Variants in MYLK4 observed in about 807,000 individuals in gnomAD.
The protein encoded by MYLK4 is myosin light chain kinase family member 4.
In MYLK4, 46 loss-of-function variants were observed where a neutral mutation model predicts 48.1. The ratio of observed to expected loss-of-function variants is 0.96; its 90% confidence interval spans 0.75 to 1.22. MYLK4 has a LOEUF of 1.22. Ranked by LOEUF, MYLK4 falls within the 50% of genes most tolerant of loss-of-function variation. The probability of loss-of-function intolerance (pLI) is 0.00; values close to 1 mark genes in which losing one functional copy is unlikely to be tolerated. For synonymous variants in MYLK4, 170 were observed against 180.8 expected (o/e 0.94, Z 0.48); for missense variants, 451 against 486.1 (o/e 0.93, Z 0.68).
At chr6:2,694,933 C>A (rs1359411473) in intron 2 of MYLK4, among the ~76,000 whole-genome samples, 11 of 152,130 alleles carry the variant, frequency 7.2e-5, no homozygotes, top group Non-Finnish European at 1.5e-4. Context: ...AGACTATAGC[C>A]AAGTTACATG....
In MYLK4 at chr6:2,679,291, G is replaced by A. The variant is rs368820350; in HGVS notation, c.876C>T (p.Ile292=). 5 of 1,613,996 alleles carry A rather than the reference G, an allele frequency of 3.1e-6. No homozygotes were observed. The highest frequency in any genetic ancestry group is 2.7e-5 in the African/African-American group (2 of 74,886). The change falls in exon 9 of 13, where the codon ATC becomes ATT. Residue 292 remains isoleucine (I), a synonymous_variant. Transcript: ENST00000274643. Reference sequence around the variant, plus strand: ...GGAGAGCTACTCACAGCATATAGGCGATGACCCCCACACTCCACATGTCAG... The same window carrying A: ...GGAGAGCTACTCACAGCATATAGGCAATGACCCCCACACTCCACATGTCAG... ...FPTDMWSVGV[I]AYMLLSGLSP... is the part of the protein sequence containing the mutation.
At chr6:2,763,616 C>G in the MYLK4 span, among the ~76,000 whole-genome samples, 3 of 152,368 alleles carry the variant, frequency 2.0e-5, no homozygotes, top group South Asian at 6.2e-4. Context: ...CCGCAAGCAC[C>G]GCGCGCAGCC....
chr6:2,756,610 T>C, the MYLK4 span, among the ~76,000 whole-genome samples: 4 of 152,208 alleles, frequency 2.6e-5, no homozygotes, highest in Non-Finnish European at 5.9e-5. Context: ...TACTGATATA[T>C]TTCTATTTCC....
chr6:2,768,632 G>A, the MYLK4 span: 1 of 1,445,540 alleles, frequency 6.9e-7, no homozygotes. Flanking sequence ...GTTCCCATGG[G>A]TGCTGGTCTC....
chr6:2,693,289 T>A (rs560456838), intron 2 of MYLK4, among the ~76,000 whole-genome samples: 2 of 152,354 alleles, frequency 1.3e-5, no homozygotes, highest in East Asian at 3.8e-4. Context: ...CATGAATAGA[T>A]GAAAGGATGT....
intron 4 of MYLK4, among the ~76,000 whole-genome samples, chr6:2,686,277 T>C (rs540016987): frequency 5.8e-4 from 88 of 152,336 alleles, no homozygotes; most frequent in African/African-American, 2.1e-3. Context: ...ATGAATGTTA[T>C]GAGCTGGGCT....
chr6:2,690,821 A>ATC (rs1761754359), intron 3 of MYLK4, among the ~76,000 whole-genome samples: 1 of 127,812 alleles, frequency 7.8e-6, no homozygotes, highest in Admixed American at 7.4e-5. Context: ...ATCTCTCTGA[A>ATC]TCTTTTTTTT....
chr6:2,685,236 C>T lies in MYLK4; in HGVS notation c.545+60G>A. 7.8e-7 allele frequency: 1 copy of T among 1,277,370 alleles called. No homozygotes were observed. The highest frequency in any genetic ancestry group is 1.1e-6 in the Non-Finnish European group (1 of 878,344). 79.1% of individuals were successfully genotyped at this position (1,277,370 alleles called of 1,614,324 possible). A position where few individuals can be genotyped will look rare whatever the true frequency, so the allele number is the denominator to read the frequency against. On this transcript the variant is annotated intron_variant, in intron 6 of 12. Coordinates refer to ENST00000274643, the MANE Select transcript of MYLK4 (RefSeq NM_001012418.5). The surrounding 1 kb of genome is among the most constrained non-coding windows in gnomAD (Gnocchi z 4.5). ...CTACAGCAGGACGGAGCTACTGAGG[C>T]ACGGTCACGGTCATGAGTGCCCTTG...
chr6:2,711,793 C>CT (rs374154259), intron 2 of MYLK4, among the ~76,000 whole-genome samples: 14 of 148,996 alleles, frequency 9.4e-5, no homozygotes, highest in African/African-American at 2.9e-4. Flanking sequence ...AGTTGGGTAT[C>CT]TTTTTTTTTT....
At chr6:2,769,034 A>G in the MYLK4 span, 1 of 710,828 alleles carries the variant, frequency 1.4e-6, no homozygotes, top group South Asian at 2.8e-5. Context: ...ATTTCTCCAT[A>G]CATTTCTTAG....
At chr6:2,686,502 G>A (rs530891807) in intron 4 of MYLK4, among the ~76,000 whole-genome samples, 1 of 152,322 alleles carries the variant, frequency 6.6e-6, no homozygotes, top group East Asian at 1.9e-4. Context: ...AATTTGCTTA[G>A]TTTGATTTCT....
chr6:2,764,085 T>G, the MYLK4 span, among the ~76,000 whole-genome samples: 1 of 152,146 alleles, frequency 6.6e-6, no homozygotes, highest in African/African-American at 2.4e-5. Flanking sequence ...TGAGCTGAGA[T>G]TGCGCCATTG....
intron 1 of MYLK4, among the ~76,000 whole-genome samples, chr6:2,750,126 G>A (rs1764240132): frequency 6.6e-6 from 1 of 152,208 alleles, no homozygotes; most frequent in Admixed American, 6.5e-5. Flanking sequence ...CAGGGAGAGG[G>A]AGAGACATTT....
rs35133716 is a variant in MYLK4 at position 2,690,823 on chromosome 6, C to CTTT, written c.236-1870_236-1868dup. Among the ~76,000 whole-genome samples the CTTT allele has an allele frequency of 6.6e-3, 586 of 88,840 alleles. 43 individuals are homozygous for CTTT. Among genetic ancestry groups the CTTT allele is most frequent in the African/African-American group, 0.016 (339 of 21,366 alleles). 58.3% of individuals were successfully genotyped at this position (88,840 alleles called of 152,430 possible). A position where few individuals can be genotyped will look rare whatever the true frequency, so the allele number is the denominator to read the frequency against. ...AAAAGAAGCAATAATCTCTCTGAAT[C>CTTT]TTTTTTTTTTTTTTTTTTTTTTTTG... On this transcript the variant is annotated intron_variant, in intron 3 of 12. Coordinates refer to ENST00000274643, the MANE Select transcript of MYLK4 (RefSeq NM_001012418.5).
rs1310618298 is a variant in MYLK4, at chr6:2,749,194, A to G, written c.101T>C (p.Val34Ala). Reference sequence around the variant, plus strand: ...AGAATTTTTTTCCAGAAAACACTTCACTTTCTCCACCTCTTCCCTGCACTG... The same window carrying G: ...AGAATTTTTTTCCAGAAAACACTTCGCTTTCTCCACCTCTTCCCTGCACTG... Reference protein sequence around the residue: ...FFQCREEVEKVKCFLEKNSGD... With the variant: ...FFQCREEVEKAKCFLEKNSGD... Residue 34 changes from valine to alanine, a missense_variant, in exon 2 of 13, where the codon GTG becomes GCG. Coordinates refer to ENST00000274643, the MANE Select transcript of MYLK4 (RefSeq NM_001012418.5). The G allele has an allele frequency of 6.2e-7, 1 of 1,614,068 alleles. No individual in the cohort carries two copies.
rs889705118 is a variant in MYLK4, at chr6:2,716,045, T to C, written c.160-23186A>G. Among the ~76,000 whole-genome samples, 6 of 152,212 alleles carry C rather than the reference T, an allele frequency of 3.9e-5. 1 individual carries two copies. Among genetic ancestry groups the C allele is most frequent in the Admixed American group, 3.9e-4 (6 of 15,302 alleles). On this transcript the variant is annotated intron_variant, in intron 2 of 12. Transcript: ENST00000274643. The stretch of plus-strand genomic sequence containing the variant: ...TATTTTTTTTTTAAACTCTAGTAAA[T>C]GTTTCTTTGTAAATACAGAGTAACA...
intron 2 of MYLK4, among the ~76,000 whole-genome samples, chr6:2,729,577 C>T (rs979701309): frequency 1.3e-5 from 2 of 152,194 alleles, no homozygotes; most frequent in South Asian, 4.1e-4. Context: ...CCCTGCCTGC[C>T]GCAGGGGGCC....
chr6:2,719,216 G>A (rs944533069), intron 2 of MYLK4, among the ~76,000 whole-genome samples: 3 of 152,012 alleles, frequency 2.0e-5, no homozygotes, highest in Non-Finnish European at 4.4e-5. Flanking sequence ...CCACATACAC[G>A]AAAAAACACT....
chr6:2,726,775 G>C (rs907054042), intron 2 of MYLK4, among the ~76,000 whole-genome samples: 1 of 152,006 alleles, frequency 6.6e-6, no homozygotes, highest in African/African-American at 2.4e-5. Context: ...ACCATGCCAG[G>C]CTAATTTTTT....
Sources: allele counts gnomAD v4.1 joint callset (sites outside exome capture counted in the v4.1 genomes callset), GRCh38; gene constraint gnomAD v4.1.1; non-coding constraint Gnocchi (gnomAD v3.1); transcripts MANE v1.5; gene names NCBI Gene and HGNC (gene_info 2026-07-23, HGNC 2026-07-21).